Variants in PIP4K2A observed in about 807,000 individuals in gnomAD.
PIP4K2A encodes phosphatidylinositol 5-phosphate 4-kinase type-2 alpha.
PIP4K2A carries 14 observed loss-of-function variants against 42.9 expected under a neutral mutation model. The ratio of observed to expected loss-of-function variants is 0.33; its 90% CI spans 0.22 to 0.51. The LOEUF (loss-of-function observed/expected upper bound fraction) is 0.51, where lower values mean the gene tolerates loss of function less well. Ranked by LOEUF, PIP4K2A falls within the 20% of genes least tolerant of loss-of-function variation. The pLI, the probability that PIP4K2A is intolerant of heterozygous loss-of-function variation, is 0.97. For synonymous variants in PIP4K2A, 192 were observed against 192.2 expected (o/e 1.00, Z 0.01); for missense variants, 434 against 519.8 (o/e 0.83, Z 1.61).
intron 1 of PIP4K2A, among the ~76,000 whole-genome samples, chr10:22,664,913 A>T (rs370155929): frequency 3.3e-5 from 5 of 152,188 alleles, no homozygotes; most frequent in East Asian, 1.9e-4. Flanking sequence ...TTTGTCCCCC[A>T]CTCCATGAAA....
intron 1 of PIP4K2A, among the ~76,000 whole-genome samples, chr10:22,648,217 A>G (rs1838923669): frequency 2.0e-5 from 3 of 152,222 alleles, no homozygotes; most frequent in African/African-American, 7.2e-5. Flanking sequence ...TGCTAAGTAA[A>G]AAGAAAAAAA....
intron 1 of PIP4K2A, among the ~76,000 whole-genome samples, chr10:22,687,704 T>C (rs1290316211): frequency 6.6e-6 from 1 of 152,192 alleles, no homozygotes; most frequent in Non-Finnish European, 1.5e-5. Flanking sequence ...TTGCATATAA[T>C]CTGCACACAT....
At chr10:22,613,402 G>C (rs1165184021) in intron 1 of PIP4K2A, among the ~76,000 whole-genome samples, 3 of 152,164 alleles carry the variant, frequency 2.0e-5, no homozygotes, top group Non-Finnish European at 4.4e-5. Context: ...GAGGGGATGG[G>C]ATTCAGGCAT....
intron 1 of PIP4K2A, among the ~76,000 whole-genome samples, chr10:22,619,766 A>G (rs2130738414): frequency 6.6e-6 from 1 of 152,326 alleles, no homozygotes; most frequent in East Asian, 1.9e-4. Context: ...CATTTCTCAA[A>G]AGTTGATGTC....
chr10:22,587,081 G>A (rs565948578), intron 4 of PIP4K2A, among the ~76,000 whole-genome samples: 1 of 152,324 alleles, frequency 6.6e-6, no homozygotes, highest in East Asian at 1.9e-4. Flanking sequence ...GGGAAGGTCA[G>A]TGTGTCAGAA....
intron 1 of PIP4K2A, among the ~76,000 whole-genome samples, chr10:22,681,832 C>T (rs1463209923): frequency 6.6e-6 from 1 of 152,174 alleles, no homozygotes; most frequent in African/African-American, 2.4e-5. Flanking sequence ...ATTCTAGGCT[C>T]TGCGGGCCAC....
chr10:22,614,887 C>G (rs1002840312), intron 1 of PIP4K2A, among the ~76,000 whole-genome samples: 1 of 152,158 alleles, frequency 6.6e-6, no homozygotes, highest in South Asian at 2.1e-4. Context: ...AATGAGCTCC[C>G]AGATTGAAGA....
intron 5 of PIP4K2A, among the ~76,000 whole-genome samples, chr10:22,569,297 T>C (rs1485166151): frequency 6.6e-6 from 1 of 152,182 alleles, no homozygotes; most frequent in Admixed American, 6.5e-5. Flanking sequence ...AGGGAAAATG[T>C]TCAATGTTTC....
At chr10:22,596,723 G>A (rs1346889466) in intron 3 of PIP4K2A, among the ~76,000 whole-genome samples, 1 of 152,242 alleles carries the variant, frequency 6.6e-6, no homozygotes, top group African/African-American at 2.4e-5. Context: ...ATTAGAGTTG[G>A]AAGCAACCTT....
At chr10:22,557,989 A>G (rs1446375156) in intron 6 of PIP4K2A, among the ~76,000 whole-genome samples, 1 of 152,080 alleles carries the variant, frequency 6.6e-6, no homozygotes, top group East Asian at 1.9e-4. Flanking sequence ...ATATCATAGT[A>G]CTCTGTGATT....
chr10:22,645,020 G>A lies in PIP4K2A; in HGVS notation c.145-35303C>T, dbSNP rs144780378. Among the ~76,000 whole-genome samples the A allele has an allele frequency of 2.0e-5, 3 of 152,132 alleles. No homozygotes were observed. In the South Asian group the frequency reaches 6.2e-4, roughly 32 times the overall value. On this transcript the variant is annotated intron_variant, in intron 1 of 9. Coordinates refer to ENST00000376573, the MANE Select transcript of PIP4K2A (RefSeq NM_005028.5). ...CTGCCTACCCCCTTCCCCCTATGCT[G>A]GGGACTTACTAAAAGAGCAAAGAAA...
intron 1 of PIP4K2A, among the ~76,000 whole-genome samples, chr10:22,704,389 T>C (rs1414230893): frequency 1.3e-5 from 2 of 151,714 alleles, no homozygotes; most frequent in African/African-American, 4.8e-5. Flanking sequence ...GAAAGCTAGA[T>C]TGGGGTAAGT....
At chr10:22,576,735 T>C (rs541268626) in intron 4 of PIP4K2A, among the ~76,000 whole-genome samples, 1 of 152,240 alleles carries the variant, frequency 6.6e-6, no homozygotes, top group South Asian at 2.1e-4. Context: ...TTTTGAACCT[T>C]TTCCATTTTT....
intron 1 of PIP4K2A, among the ~76,000 whole-genome samples, chr10:22,664,077 G>A (rs867449040): frequency 0.046 from 1,704 of 37,164 alleles, 107 homozygotes; most frequent in African/African-American, 0.25. Context: ...ATATATATAC[G>A]TATATATATA....
intron 1 of PIP4K2A, among the ~76,000 whole-genome samples, chr10:22,665,721 G>C (rs1839335404): frequency 6.6e-6 from 1 of 151,296 alleles, no homozygotes; most frequent in South Asian, 2.1e-4. Context: ...CCAAAGTGCT[G>C]GGATTACAGA....
At chr10:22,567,388 G>A (rs1253673199) in intron 6 of PIP4K2A, 4 of 331,774 alleles carry the variant, frequency 1.2e-5, no homozygotes, top group Non-Finnish European at 2.4e-5. Context: ...TTAATAGTTG[G>A]AAAGGAGTTT....
rs201835903 is a variant in PIP4K2A, at chr10:22,619,075, T to TG, written c.145-9359dup. 9.2e-5 allele frequency among the ~76,000 whole-genome samples: 11 copies of TG among 119,800 alleles called. No individual in the cohort carries two copies. The East Asian group carries it at 1.6e-3, about 17-fold the overall frequency. The allele number at this position is 119,800 out of a possible 152,430, so 78.6% of individuals were successfully genotyped here. On this transcript the variant is annotated intron_variant, in intron 1 of 9. Coordinates refer to ENST00000376573, the MANE Select transcript of PIP4K2A (RefSeq NM_005028.5). ...TCATGTGTAATTGTTAATTTTGTAC[T>TG]GGGGGAAAAAATCACCAACTTGAGC... is the stretch of plus-strand genomic sequence containing the variant.
intron 1 of PIP4K2A, among the ~76,000 whole-genome samples, chr10:22,635,476 A>G (rs1838642483): frequency 2.0e-5 from 3 of 152,224 alleles, no homozygotes; most frequent in Admixed American, 6.5e-5. Context: ...CTGTGATAGT[A>G]TTGAGAGGGA....
intron 1 of PIP4K2A, among the ~76,000 whole-genome samples, chr10:22,674,675 T>C (rs1452753508): frequency 2.0e-5 from 3 of 152,004 alleles, no homozygotes; most frequent in African/African-American, 7.3e-5. Flanking sequence ...GGCACAGTGA[T>C]TCATGCCTGT....
Sources: allele counts gnomAD v4.1 joint callset (sites outside exome capture counted in the v4.1 genomes callset), GRCh38; gene constraint gnomAD v4.1.1; transcripts MANE v1.5; gene names NCBI Gene and HGNC (gene_info 2026-07-23, HGNC 2026-07-21).